Variants in COP1 observed in about 807,000 individuals in gnomAD.
COP1 encodes the protein E3 ubiquitin-protein ligase COP1.
COP1 carries 24 observed loss-of-function variants against 101.3 expected under a neutral mutation model. The ratio of observed to expected loss-of-function variants is 0.24; its 90% confidence interval spans 0.17 to 0.33. COP1 has a LOEUF of 0.33. Among genes scored for constraint, COP1 ranks in the 10% least tolerant of loss-of-function variants. The probability of loss-of-function intolerance (pLI) is 1.00; values close to 1 mark genes in which losing one functional copy is unlikely to be tolerated. For synonymous variants in COP1, 347 were observed against 341.9 expected, an observed-to-expected ratio of 1.01 and a Z score of -0.17; for missense variants, 663 against 906.2, an observed-to-expected ratio of 0.73 and a Z score of 3.45.
At chr1:176,157,265 A>T (rs1404272269) in intron 5 of COP1, among the ~76,000 whole-genome samples, 2 of 152,174 alleles carry the variant, frequency 1.3e-5, no homozygotes, top group African/African-American at 4.8e-5. Flanking sequence ...AAAGAACTAC[A>T]ATGAATAAAA....
At chr1:175,994,591 A>T (rs1483461056) in intron 15 of COP1, among the ~76,000 whole-genome samples, 8 of 152,352 alleles carry the variant, frequency 5.3e-5, no homozygotes, top group Admixed American at 4.6e-4. Context: ...CAGGGGTTGC[A>T]ATCCTAGTCT....
intron 14 of COP1, 69 bp downstream of exon 14, chr1:176,043,117 C>T: frequency 1.1e-6 from 1 of 870,124 alleles, no homozygotes; most frequent in Non-Finnish European, 1.9e-6. Flanking sequence ...TGTATTTCTG[C>T]CGATGAAAGG....
chr1:176,194,089 T>C (rs1238064862), intron 1 of COP1, among the ~76,000 whole-genome samples: 1 of 151,932 alleles, frequency 6.6e-6, no homozygotes, highest in Non-Finnish European at 1.5e-5. Context: ...ACACAAAAAG[T>C]TTAAAAATCA....
intron 14 of COP1, among the ~76,000 whole-genome samples, chr1:176,038,241 T>C (rs1669913070): frequency 6.6e-6 from 1 of 151,812 alleles, no homozygotes; most frequent in Non-Finnish European, 1.5e-5. Context: ...AGAAAAGAAA[T>C]CATAAAAGCC....
chr1:176,187,429 G>GTA (rs1698614752), intron 1 of COP1, among the ~76,000 whole-genome samples: 1 of 137,138 alleles, frequency 7.3e-6, no homozygotes, highest in Non-Finnish European at 1.6e-5. Context: ...GTGTGTGTGT[G>GTA]TATAAGACAG....
intron 5 of COP1, among the ~76,000 whole-genome samples, chr1:176,157,459 G>GA (rs1343583886): frequency 6.6e-6 from 1 of 152,062 alleles, no homozygotes; most frequent in East Asian, 1.9e-4. Context: ...CCAACTATAT[G>GA]AAACAATGCT....
intron 15 of COP1, among the ~76,000 whole-genome samples, chr1:176,002,191 CTCA>C (rs1661785821): frequency 6.6e-6 from 1 of 151,908 alleles, no homozygotes; most frequent in South Asian, 2.1e-4. Flanking sequence ...TTTCTCTCTC[CTCA>C]TCTTTTGGAA....
At chr1:176,035,762 T>C (rs1468563762) in intron 14 of COP1, among the ~76,000 whole-genome samples, 1 of 128,234 alleles carries the variant, frequency 7.8e-6, no homozygotes, top group Non-Finnish European at 1.6e-5. Context: ...AGAAATACAG[T>C]AGCAACAACT....
intron 14 of COP1, among the ~76,000 whole-genome samples, chr1:176,040,214 TTC>T (rs1670276131): frequency 6.6e-6 from 1 of 152,156 alleles, no homozygotes; most frequent in African/African-American, 2.4e-5. Context: ...AGGACAATTT[TTC>T]TTTCTTTACT....
intron 18 of COP1, among the ~76,000 whole-genome samples, chr1:175,981,549 A>C (rs1044096670): frequency 1.3e-5 from 2 of 152,188 alleles, no homozygotes; most frequent in African/African-American, 4.8e-5. Context: ...TAAACATAAG[A>C]CTGAAAACTG....
At chr1:176,088,335 TAATGTTATTACAA>T (rs1484751484) in intron 9 of COP1, among the ~76,000 whole-genome samples, 1 of 151,982 alleles carries the variant, frequency 6.6e-6, no homozygotes, top group Non-Finnish European at 1.5e-5. Context: ...ACACAAAAGG[TAATGTTATTACAA>T]AATTTCATTA....
At chr1:176,066,415 T>C (rs1178035152) in intron 11 of COP1, among the ~76,000 whole-genome samples, 1 of 152,096 alleles carries the variant, frequency 6.6e-6, no homozygotes, top group Non-Finnish European at 1.5e-5. Flanking sequence ...CTCTCCTAAA[T>C]AGTAAAGTGA....
intron 9 of COP1, among the ~76,000 whole-genome samples, chr1:176,086,969 T>C (rs1680307092): frequency 6.6e-6 from 1 of 152,156 alleles, no homozygotes; most frequent in Admixed American, 6.5e-5. Flanking sequence ...GCTACAACCA[T>C]TTGATCTTTG....
Position 176,043,282 on chromosome 1 carries a change from A to G in COP1, c.1531-15T>C. The G allele has an allele frequency of 6.6e-7, 1 of 1,523,890 alleles. No homozygotes were observed. The highest frequency in any genetic ancestry group is 9.1e-7 in the Non-Finnish European group (1 of 1,098,978). The allele number at this position is 1,523,890 out of a possible 1,614,324, so 94.4% of individuals were successfully genotyped here. A position where few individuals can be genotyped will look rare whatever the true frequency, so the allele number is the denominator to read the frequency against. On this transcript the variant is annotated splice_polypyrimidine_tract_variant and intron_variant, in intron 13 of 19. Coordinates refer to ENST00000367669, the MANE Select transcript of COP1 (RefSeq NM_022457.7). ...TTCTCATGCTCCTGGAAGCAGAAAGAAGACAGTAGCCTCAGATAGAATACA... is the reference window on the plus strand; with the variant it reads ...TTCTCATGCTCCTGGAAGCAGAAAGGAGACAGTAGCCTCAGATAGAATACA...
intron 15 of COP1, among the ~76,000 whole-genome samples, chr1:176,023,562 T>C (rs1345981799): frequency 6.6e-6 from 1 of 151,230 alleles, no homozygotes; most frequent in Non-Finnish European, 1.5e-5. Context: ...CTACTAAAAA[T>C]ACAAAATTAG....
intron 8 of COP1, among the ~76,000 whole-genome samples, chr1:176,119,734 T>A (rs1204869229): frequency 1.3e-5 from 2 of 152,122 alleles, no homozygotes; most frequent in South Asian, 2.1e-4. Context: ...TACTACTACT[T>A]AACTCCTGAC....
At chr1:176,182,683 T>A (rs1019991909) in intron 2 of COP1, among the ~76,000 whole-genome samples, 1 of 152,188 alleles carries the variant, frequency 6.6e-6, no homozygotes, top group African/African-American at 2.4e-5. Flanking sequence ...AATGCTAAGA[T>A]GCTAGGTCAA....
chr1:175,995,819 C>T (rs141980763), intron 15 of COP1, among the ~76,000 whole-genome samples: 1 of 152,128 alleles, frequency 6.6e-6, no homozygotes, highest in African/African-American at 2.4e-5. Context: ...ACCAGAGGTA[C>T]AAGGAGGAAC....
At chr1:175,954,214 A>G (rs377382022) in intron 18 of COP1, among the ~76,000 whole-genome samples, 3 of 152,322 alleles carry the variant, frequency 2.0e-5, no homozygotes, top group East Asian at 3.9e-4. Context: ...GAAATGAGAA[A>G]CCATTTTGAA....
Sources: gnomAD v4.1 joint callset for allele counts (sites outside exome capture counted in the v4.1 genomes callset) on GRCh38, gnomAD v4.1.1 for gene constraint, MANE v1.5 for transcripts, NCBI Gene and HGNC (gene_info 2026-07-23, HGNC 2026-07-21) for gene names.